ABHD6: variants seen among roughly 807,000 people sequenced by gnomAD.
The protein encoded by ABHD6 is abhydrolase domain containing 6, acylglycerol lipase, also known as monoacylglycerol lipase ABHD6.
In ABHD6, 33 loss-of-function variants were observed where a neutral mutation model predicts 38.8. The ratio of observed to expected loss-of-function variants is 0.85; its 90% CI spans 0.64 to 1.14. ABHD6 has a LOEUF of 1.14. Among genes scored for constraint, ABHD6 ranks in the 50% most tolerant of loss-of-function variants. The pLI is 0.00. For synonymous variants in ABHD6, 147 were observed against 161.6 expected, an observed-to-expected ratio of 0.91 and a Z score of 0.69; for missense variants, 380 against 422.6, an observed-to-expected ratio of 0.90 and a Z score of 0.88.
chr3:58,272,227 C>T (rs1429214886), intron 6 of ABHD6, among the ~76,000 whole-genome samples: 1 of 152,166 alleles, frequency 6.6e-6, no homozygotes, highest in Non-Finnish European at 1.5e-5. Context: ...AGATATTATG[C>T]CCATTTTATA....
chr3:58,238,668 G>C lies in ABHD6; in HGVS notation c.-91+752G>C, dbSNP rs2097420765. 6.5e-6 allele frequency: 1 copy of C among 154,034 alleles called. No homozygotes were observed. The highest frequency in any genetic ancestry group is 6.5e-5 in the Admixed American group (1 of 15,308). The allele number at this position is 154,034 out of a possible 1,614,324, so 9.5% of individuals were successfully genotyped here. On this transcript the variant is annotated intron_variant, in intron 1 of 9. Transcript: ENST00000478253. This position sits in a 1 kb window ranked among gnomAD's most constrained non-coding sequence, Gnocchi z 6.9. ...AGGTGACAGAGTGAGGCATGGGGGAGTGGGGGAAGAGGAGGATGCCAGAGG... is the reference window on the plus strand; with the variant it reads ...AGGTGACAGAGTGAGGCATGGGGGACTGGGGGAAGAGGAGGATGCCAGAGG...
At position 58,273,220 on chromosome 3, in the gene ABHD6, G is replaced by A. The variant is rs956150660; in HGVS notation, c.524-1438G>A. Among the ~76,000 whole-genome samples the A allele has an allele frequency of 6.6e-6, 1 of 151,964 alleles. No homozygotes were observed. Among genetic ancestry groups the A allele is most frequent in the African/African-American group, 2.4e-5 (1 of 41,350 alleles). On this transcript the variant is annotated intron_variant, in intron 6 of 9. Coordinates refer to ENST00000478253, the MANE Select transcript of ABHD6 (RefSeq NM_001320126.2). The surrounding 1 kb of genome is among the most constrained non-coding windows in gnomAD (Gnocchi z 4.8). Reference sequence around the variant, plus strand: ...TGCAAAGCGTGGGTTTCTGCATCACGACCAATATTATTGATGCTACTGCCT... The same window carrying A: ...TGCAAAGCGTGGGTTTCTGCATCACAACCAATATTATTGATGCTACTGCCT...
chr3:58,265,788 A>C lies in ABHD6; in HGVS notation c.120-1401A>C, dbSNP rs985838983. ...TTCCTGCTGTGTCATCCCGTGGTGG[A>C]AGGTAGAAGGACAAGAGACTATAAG... On this transcript the variant is annotated intron_variant, in intron 3 of 9. Coordinates refer to ENST00000478253, the MANE Select transcript of ABHD6 (RefSeq NM_001320126.2). The surrounding 1 kb of genome is among the most constrained non-coding windows in gnomAD (Gnocchi z 4.2). 2.0e-5 allele frequency among the ~76,000 whole-genome samples: 3 copies of C among 152,202 alleles called. No homozygotes were observed. Among genetic ancestry groups the C allele is most frequent in the African/African-American group, 7.2e-5 (3 of 41,456 alleles).
chr3:58,260,074 A>T (rs2097435973), intron 3 of ABHD6, among the ~76,000 whole-genome samples: 1 of 152,198 alleles, frequency 6.6e-6, no homozygotes, highest in Non-Finnish European at 1.5e-5. Flanking sequence ...CAGTTTGTTC[A>T]TCCATTCATC....
intron 3 of ABHD6, among the ~76,000 whole-genome samples, chr3:58,264,408 C>T (rs1575521686): frequency 7.8e-6 from 1 of 128,144 alleles, no homozygotes; most frequent in Admixed American, 7.3e-5. Context: ...CACACACACA[C>T]ACACACACAC....
intron 1 of ABHD6, among the ~76,000 whole-genome samples, chr3:58,246,534 G>T (rs1294151564): frequency 1.3e-5 from 2 of 152,182 alleles, no homozygotes; most frequent in African/African-American, 2.4e-5. Context: ...GACCAGCCTG[G>T]CTGGGCTGAA....
intron 7 of ABHD6, among the ~76,000 whole-genome samples, chr3:58,275,346 T>C (rs79586316): frequency 4.3e-5 from 5 of 115,040 alleles, no homozygotes; most frequent in African/African-American, 1.6e-4. Context: ...TTTTTTTTTT[T>C]CCAGACAGAG....
At chr3:58,284,212 C>A (rs1033578766) in intron 7 of ABHD6, among the ~76,000 whole-genome samples, 2 of 152,150 alleles carry the variant, frequency 1.3e-5, no homozygotes, top group African/African-American at 4.8e-5. Context: ...GGCCTGTCCA[C>A]ATTGGCTGCA....
intron 1 of ABHD6, among the ~76,000 whole-genome samples, chr3:58,241,054 G>T (rs2097422482): frequency 6.6e-6 from 1 of 152,042 alleles, no homozygotes; most frequent in Non-Finnish European, 1.5e-5. Flanking sequence ...TTGAAATTTT[G>T]TTGTTGTTGT....
intron 7 of ABHD6, among the ~76,000 whole-genome samples, chr3:58,282,897 C>T (rs991270154): frequency 1.3e-5 from 2 of 152,146 alleles, no homozygotes; most frequent in African/African-American, 4.8e-5. Flanking sequence ...GGAAGTCTGG[C>T]CTGAAGCTGT....
intron 3 of ABHD6, among the ~76,000 whole-genome samples, chr3:58,264,380 T>G (rs2097439230): frequency 7.0e-6 from 1 of 142,244 alleles, no homozygotes. Context: ...TAACTGGTTA[T>G]ATAAACGCAC....
intron 3 of ABHD6, among the ~76,000 whole-genome samples, chr3:58,258,111 C>T (rs1248024332): frequency 6.6e-6 from 1 of 152,034 alleles, no homozygotes; most frequent in South Asian, 2.1e-4. Context: ...AGTTCGAGAC[C>T]AGCCCGACCA....
chr3:58,248,348 C>T (rs1295547999), intron 1 of ABHD6, among the ~76,000 whole-genome samples: 2 of 152,070 alleles, frequency 1.3e-5, no homozygotes, highest in Admixed American at 6.6e-5. Flanking sequence ...TATTGTAATA[C>T]TCTTACGCAA....
In ABHD6 at chr3:58,269,106, G is replaced by A. The variant is rs1049589216; in HGVS notation, c.277-215G>A. On this transcript the variant is annotated intron_variant, in intron 4 of 9. Transcript: ENST00000478253. The surrounding 1 kb of genome is among the most constrained non-coding windows in gnomAD (Gnocchi z 4.4). Reference sequence around the variant, plus strand: ...CTTTTTACAGGCATCTCCTGAGCCTGCTTCCATCTATGTATTAGCCTTTGT... The same window carrying A: ...CTTTTTACAGGCATCTCCTGAGCCTACTTCCATCTATGTATTAGCCTTTGT... 4.6e-5 allele frequency among the ~76,000 whole-genome samples: 7 copies of A among 152,312 alleles called. No homozygotes were observed. The East Asian group carries it at 1.4e-3, about 29-fold the overall frequency.
rs370669212 is a variant in ABHD6 at position 58,281,734 on chromosome 3, C to T, written c.682-3351C>T. Among the ~76,000 whole-genome samples, 42 of 152,330 alleles carry T rather than the reference C, an allele frequency of 2.8e-4. No homozygotes were observed. The South Asian group carries it at 3.7e-3, about 14-fold the overall frequency. On this transcript the variant is annotated intron_variant, in intron 7 of 9. Coordinates refer to ENST00000478253, the MANE Select transcript of ABHD6 (RefSeq NM_001320126.2). Reference sequence around the variant, plus strand: ...CCTATTCGGCCATCTTGGAACCTATCCTCGTTATACTCTTAAAAATTGTTG... The same window carrying T: ...CCTATTCGGCCATCTTGGAACCTATTCTCGTTATACTCTTAAAAATTGTTG...
chr3:58,249,349 G>A (rs2107423114), intron 1 of ABHD6, among the ~76,000 whole-genome samples: 1 of 152,170 alleles, frequency 6.6e-6, no homozygotes, highest in East Asian at 1.9e-4. Context: ...GGGTTTTTCT[G>A]GTTTCATTTC....
intron 2 of ABHD6, among the ~76,000 whole-genome samples, chr3:58,255,955 T>C (rs2097432933): frequency 6.6e-6 from 1 of 152,098 alleles, no homozygotes; most frequent in Non-Finnish European, 1.5e-5. Context: ...CCTTTTTTAT[T>C]TTTAAATACT....
intron 4 of ABHD6, among the ~76,000 whole-genome samples, chr3:58,268,659 C>G (rs528932009): frequency 6.6e-6 from 1 of 152,306 alleles, no homozygotes; most frequent in South Asian, 2.1e-4. Context: ...ACTATGAGGA[C>G]AGTCATTTTC....
chr3:58,243,634 A>G (rs2097424337), intron 1 of ABHD6, among the ~76,000 whole-genome samples: 1 of 151,868 alleles, frequency 6.6e-6, no homozygotes, highest in African/African-American at 2.4e-5. Flanking sequence ...GATTCTCCGC[A>G]GTTTCCAGAT....
Sources: allele counts gnomAD v4.1 joint callset (sites outside exome capture counted in the v4.1 genomes callset), GRCh38; gene constraint gnomAD v4.1.1; non-coding constraint Gnocchi (gnomAD v3.1); transcripts MANE v1.5; gene names NCBI Gene and HGNC (gene_info 2026-07-23, HGNC 2026-07-21).